The following ADPRM variants were observed in gnomAD, a reference collection of about 807,000 sequenced individuals.
ADPRM encodes ADP-ribose/CDP-alcohol diphosphatase, manganese dependent.
A neutral mutation model predicts 27.2 loss-of-function variants in ADPRM; 17 were observed. The ratio of observed to expected loss-of-function variants is 0.63; its 90% CI spans 0.43 to 0.94. The LOEUF is 0.94. Ranked by LOEUF, ADPRM falls within the 40% of genes least tolerant of loss-of-function variation. ADPRM has a pLI of 0.00. For missense variants in ADPRM, 337 were observed against 412.8 expected, an observed-to-expected ratio of 0.82 and a Z score of 1.59; for synonymous variants, 135 against 145.3, an observed-to-expected ratio of 0.93 and a Z score of 0.51.
At chr17:10,709,831 G>A (rs558320944) in intron 3 of ADPRM, among the ~76,000 whole-genome samples, 3 of 152,322 alleles carry the variant, frequency 2.0e-5, no homozygotes, top group South Asian at 4.1e-4. Flanking sequence ...AAGATGCAAC[G>A]TGAGCTGTAC....
At chr17:10,699,971 T>C (rs1403164343) in intron 1 of ADPRM, among the ~76,000 whole-genome samples, 1 of 152,226 alleles carries the variant, frequency 6.6e-6, no homozygotes, top group Non-Finnish European at 1.5e-5. Flanking sequence ...CTAACTTTTG[T>C]GAACTTCCCA....
At chr17:10,701,565 G>A (rs377310403) in intron 1 of ADPRM, among the ~76,000 whole-genome samples, 39 of 152,184 alleles carry the variant, frequency 2.6e-4, no homozygotes, top group African/African-American at 8.7e-4. Context: ...TCCTGACCTC[G>A]TGATCCGCCC....
At chr17:10,706,130 G>A (rs1441174262) in intron 2 of ADPRM, among the ~76,000 whole-genome samples, 4 of 152,218 alleles carry the variant, frequency 2.6e-5, no homozygotes, top group Non-Finnish European at 4.4e-5. Context: ...GAAAGGGCCA[G>A]TGGGGTACAA....
chr17:10,698,249 T>C (rs976193956), intron 1 of ADPRM: 3 of 152,212 alleles, frequency 2.0e-5, no homozygotes, highest in African/African-American at 7.2e-5. Context: ...TTTCTTAAAA[T>C]ACTCTCACGG....
chr17:10,708,145 C>G (rs1181086702), intron 3 of ADPRM, among the ~76,000 whole-genome samples: 2 of 151,836 alleles, frequency 1.3e-5, no homozygotes, highest in Non-Finnish European at 2.9e-5. Context: ...AATATGAAAC[C>G]CCTGGCCAAG....
At chr17:10,704,341 C>T (rs2074799203) in intron 1 of ADPRM, among the ~76,000 whole-genome samples, 1 of 151,908 alleles carries the variant, frequency 6.6e-6, no homozygotes, top group African/African-American at 2.4e-5. Context: ...GCATTGCCTC[C>T]CACTCACCTA....
intron 1 of ADPRM, among the ~76,000 whole-genome samples, chr17:10,701,236 T>C (rs2074774725): frequency 6.6e-6 from 1 of 152,210 alleles, no homozygotes; most frequent in South Asian, 2.1e-4. Context: ...CATTCTCCTT[T>C]CTATTCAAAA....
Position 10,711,129 on chromosome 17 carries a change from A to G in ADPRM, c.1014A>G (p.Arg338=). 1 of 1,605,568 alleles carries G rather than the reference A, an allele frequency of 6.2e-7. No homozygotes were observed. ...PDRIMNYKKE[R]AFHC The stretch of plus-strand genomic sequence containing the variant: ...GAATTATGAATTACAAGAAAGAAAG[A>G]GCCTTCCATTGTTAGTCTAATTTAT... The change falls in exon 4 of 4, where the codon AGA becomes AGG. Residue 338 remains arginine, a synonymous_variant. Transcript: ENST00000379774.
Position 10,697,638 on chromosome 17 carries a change from G to A in ADPRM, c.-47G>A. ...GGCGCTGTTACATAGCCCGTAGTCA[G>A]AGGCCTTTCAGCCCAGGGGCCGGCG... On this transcript the variant is annotated 5_prime_UTR_variant, in exon 1 of 4. Transcript: ENST00000379774. The A allele has an allele frequency of 8.4e-7, 1 of 1,184,700 alleles. No homozygotes were observed. The highest frequency in any genetic ancestry group is 1.2e-6 in the Non-Finnish European group (1 of 819,032). 73.4% of individuals were successfully genotyped at this position (1,184,700 alleles called of 1,614,324 possible).
chr17:10,708,889 C>A (rs2074832090), intron 3 of ADPRM, among the ~76,000 whole-genome samples: 1 of 152,204 alleles, frequency 6.6e-6, no homozygotes, highest in South Asian at 2.1e-4. Flanking sequence ...ATGTCTCCAT[C>A]CCCTTTCCCA....
intron 1 of ADPRM, among the ~76,000 whole-genome samples, chr17:10,698,700 C>T (rs1288848783): frequency 1.3e-5 from 2 of 152,172 alleles, no homozygotes; most frequent in African/African-American, 4.8e-5. Flanking sequence ...ATAGTGTTAC[C>T]TGTGTTTCTT....
intron 3 of ADPRM, among the ~76,000 whole-genome samples, chr17:10,707,905 G>A (rs993487391): frequency 2.0e-5 from 3 of 152,148 alleles, no homozygotes; most frequent in African/African-American, 7.2e-5. Context: ...AAACATACAC[G>A]GAACTGAATT....
rs767142700 is a variant in ADPRM, at chr17:10,710,922, G to A, written c.807G>A (p.Glu269=). 2.5e-6 allele frequency: 4 copies of A among 1,614,068 alleles called. No individual in the cohort carries two copies. Among genetic ancestry groups the A allele is most frequent in the East Asian group, 4.5e-5 (2 of 44,894 alleles). ...RDALAVIWSH[E]CVVCFFAGHT... ...CCCTGGCAGTCATTTGGTCTCATGA[G>A]TGTGTGGTGTGTTTCTTTGCTGGTC... is the stretch of plus-strand genomic sequence containing the variant. Residue 269 remains glutamate, a synonymous_variant, in exon 4 of 4, where the codon GAG becomes GAA. Coordinates refer to ENST00000379774, the MANE Select transcript of ADPRM (RefSeq NM_020233.5).
Position 10,711,211 on chromosome 17 carries a change from A to G in ADPRM, c.*67A>G. Reference sequence around the variant, plus strand: ...GTCCCTCCTAAACAAAAAAATAAAAATCCTCTGTCTCATTGTTTAGTATTC... The same window carrying G: ...GTCCCTCCTAAACAAAAAAATAAAAGTCCTCTGTCTCATTGTTTAGTATTC... On this transcript the variant is annotated 3_prime_UTR_variant, in exon 4 of 4. Coordinates refer to ENST00000379774, the MANE Select transcript of ADPRM (RefSeq NM_020233.5). 7.8e-7 allele frequency: 1 copy of G among 1,280,780 alleles called. No individual in the cohort carries two copies. Among genetic ancestry groups the G allele is most frequent in the African/African-American group, 1.5e-5 (1 of 66,332 alleles). 79.3% of individuals were successfully genotyped at this position (1,280,780 alleles called of 1,614,324 possible). A position where few individuals can be genotyped will look rare whatever the true frequency, so the allele number is the denominator to read the frequency against.
chr17:10,703,297 A>G (rs1340970081), intron 1 of ADPRM, among the ~76,000 whole-genome samples: 2 of 152,006 alleles, frequency 1.3e-5, no homozygotes, highest in Non-Finnish European at 2.9e-5. Flanking sequence ...TCATTTATAC[A>G]CCCTCATACA....
At chr17:10,699,895 A>G (rs1187122987) in intron 1 of ADPRM, among the ~76,000 whole-genome samples, 1 of 152,142 alleles carries the variant, frequency 6.6e-6, no homozygotes, top group Non-Finnish European at 1.5e-5. Context: ...TATTGGTTCT[A>G]TCAATAGTGA....
chr17:10,705,724 T>A lies in ADPRM; in HGVS notation c.601+197T>A. ...ATTTAACAGATATTTTAAATGCCTATTTTAGGCCAGGCACTTTTTCTAGGG... is the reference window on the plus strand; with the variant it reads ...ATTTAACAGATATTTTAAATGCCTAATTTAGGCCAGGCACTTTTTCTAGGG... On this transcript the variant is annotated intron_variant, in intron 2 of 3. Transcript: ENST00000379774. The surrounding 1 kb of genome is among the most constrained non-coding windows in gnomAD (Gnocchi z 5.4). 1 of 885,516 alleles carries A rather than the reference T, an allele frequency of 1.1e-6. No individual in the cohort carries two copies. The highest frequency in any genetic ancestry group is 1.6e-6 in the Non-Finnish European group (1 of 606,908). 54.9% of individuals were successfully genotyped at this position (885,516 alleles called of 1,614,324 possible).
At chr17:10,701,974 A>G (rs748508838) in intron 1 of ADPRM, among the ~76,000 whole-genome samples, 76 of 152,232 alleles carry the variant, frequency 5.0e-4, no homozygotes, top group Non-Finnish European at 1.0e-3. Context: ...TTCTGATCCT[A>G]TCTTTCCCTG....
rs779001594 is a variant in ADPRM, at chr17:10,705,541, T to C, written c.601+14T>C. 26 of 1,607,588 alleles carry C rather than the reference T, an allele frequency of 1.6e-5. No homozygotes were observed. The Admixed American group carries it at 4.4e-4, about 27-fold the overall frequency. On this transcript the variant is annotated intron_variant, in intron 2 of 3. Coordinates refer to ENST00000379774, the MANE Select transcript of ADPRM (RefSeq NM_020233.5). This position sits in a 1 kb window ranked among gnomAD's most constrained non-coding sequence, Gnocchi z 5.4. ...ATAGTCCTCAAGGTGAATTATTCCTTTGAGCTGAGAATCTAATAGATTGTC... is the reference window on the plus strand; with the variant it reads ...ATAGTCCTCAAGGTGAATTATTCCTCTGAGCTGAGAATCTAATAGATTGTC...
Sources: gnomAD v4.1 joint callset for allele counts (sites outside exome capture counted in the v4.1 genomes callset) on GRCh38, gnomAD v4.1.1 for gene constraint, Gnocchi (gnomAD v3.1) non-coding constraint, MANE v1.5 for transcripts, NCBI Gene and HGNC (gene_info 2026-07-23, HGNC 2026-07-21) for gene names.